The following API5 variants were observed in gnomAD, a reference collection of about 807,000 sequenced individuals.
API5 encodes the protein FIF.
In API5, 6 loss-of-function variants were observed where a neutral mutation model predicts 71.9. That is an observed-to-expected ratio of 0.08 (90% confidence interval 0.05 to 0.16). The LOEUF is 0.16. Ranked by LOEUF, API5 falls within the 10% of genes least tolerant of loss-of-function variation. API5 has a pLI of 1.00. For missense variants in API5, 332 were observed against 612.8 expected (o/e 0.54, Z 4.84); for synonymous variants, 189 against 221.3 (o/e 0.85, Z 1.30).
intron 5 of API5, among the ~76,000 whole-genome samples, chr11:43,323,200 C>T (rs535225943): frequency 1.3e-5 from 2 of 151,672 alleles, no homozygotes; most frequent in African/African-American, 4.8e-5. Context: ...GTGCTTTGTA[C>T]GTAAAAAAGT....
chr11:43,316,741 A>G (rs776636478), intron 1 of API5, among the ~76,000 whole-genome samples: 2 of 152,138 alleles, frequency 1.3e-5, no homozygotes, highest in Non-Finnish European at 2.9e-5. Flanking sequence ...CACAGCCTTT[A>G]TCGCCTGGGC....
chr11:43,336,193 A>G (rs1855427567), intron 13 of API5, 199 bp downstream of exon 13: 1 of 601,050 alleles, frequency 1.7e-6, no homozygotes, highest in Admixed American at 3.7e-5. Flanking sequence ...ACTGTATTGA[A>G]CATGCAACAT....
At chr11:43,329,008 C>T in intron 9 of API5, 115 bp downstream of exon 9, 1 of 1,049,320 alleles carries the variant, frequency 9.5e-7, no homozygotes, top group Non-Finnish European at 1.4e-6. Flanking sequence ...CCCAGTGATA[C>T]AGATTGGAGG....
At chr11:43,331,972 C>A (rs376042169) in intron 11 of API5, 1 of 152,020 alleles carries the variant, frequency 6.6e-6, no homozygotes, top group African/African-American at 2.4e-5. Context: ...TTATTTGAAC[C>A]GCTGATACAA....
At chr11:43,325,418 T>C (rs998107829) in intron 6 of API5, among the ~76,000 whole-genome samples, 3 of 152,194 alleles carry the variant, frequency 2.0e-5, no homozygotes, top group Non-Finnish European at 4.4e-5. Flanking sequence ...CAAGACAACG[T>C]CAAAGCCCAT....
At chr11:43,320,042 C>CTTTT (rs368783012) in intron 2 of API5, among the ~76,000 whole-genome samples, 78 of 120,126 alleles carry the variant, frequency 6.5e-4, no homozygotes, top group East Asian at 1.5e-3. Flanking sequence ...CAAATTCTCT[C>CTTTT]TTTTTTTTTT....
intron 13 of API5, among the ~76,000 whole-genome samples, chr11:43,341,600 A>G (rs1411353580): frequency 1.3e-5 from 2 of 152,144 alleles, no homozygotes; most frequent in African/African-American, 4.8e-5. Flanking sequence ...GGGGGAAGGA[A>G]GGGATAGGGA....
chr11:43,324,785 C>A (rs544160999), intron 6 of API5, among the ~76,000 whole-genome samples: 3 of 152,062 alleles, frequency 2.0e-5, no homozygotes, highest in Admixed American at 2.0e-4. Flanking sequence ...TCAAGCAATT[C>A]TCGTGCCTCA....
intron 6 of API5, among the ~76,000 whole-genome samples, chr11:43,324,168 C>G (rs564534855): frequency 1.3e-5 from 2 of 152,292 alleles, no homozygotes; most frequent in East Asian, 3.9e-4. Context: ...CAGTCATGCA[C>G]TATCACACTC....
intron 1 of API5, among the ~76,000 whole-genome samples, chr11:43,313,555 A>G (rs1450102344): frequency 4.0e-5 from 6 of 149,758 alleles, no homozygotes; most frequent in African/African-American, 1.5e-4. Context: ...TTCTTAACAT[A>G]ATTCAAATAG....
At chr11:43,334,336 C>G (rs761243853) in intron 11 of API5, among the ~76,000 whole-genome samples, 1 of 151,944 alleles carries the variant, frequency 6.6e-6, no homozygotes. Flanking sequence ...GAAGATTTGC[C>G]GTTTCCTCTT....
At position 43,323,654 on chromosome 11, in the gene API5, A is replaced by G. The variant is rs760454031; in HGVS notation, c.750+18A>G. 11 of 1,606,824 alleles carry G rather than the reference A, an allele frequency of 6.8e-6. No homozygotes were observed. In the East Asian group the frequency reaches 2.5e-4, roughly 36 times the overall value. ...TCTTCTCTGTGAGCTCTTTATTTTT[A>G]CACACCCGGTATTAGCTATATATAT... On this transcript the variant is annotated intron_variant, in intron 6 of 13. Coordinates refer to ENST00000531273, the MANE Select transcript of API5 (RefSeq NM_001142930.2).
chr11:43,334,608 T>C (rs1051930603), intron 11 of API5, among the ~76,000 whole-genome samples: 3 of 152,310 alleles, frequency 2.0e-5, no homozygotes, highest in Middle Eastern at 3.4e-3. Context: ...TAAATGTGTT[T>C]AGCAATTTAT....
rs924261132 is a variant in API5 at position 43,343,482 on chromosome 11, A to G, written c.*972A>G. 1 of 152,622 alleles carries G rather than the reference A, an allele frequency of 6.6e-6. No individual in the cohort carries two copies. The highest frequency in any genetic ancestry group is 2.4e-5 in the African/African-American group (1 of 41,452). The allele number at this position is 152,622 out of a possible 1,614,324, so 9.5% of individuals were successfully genotyped here. A position where few individuals can be genotyped will look rare whatever the true frequency, so the allele number is the denominator to read the frequency against. ...AATAACAACCAAAATACTGAATCTG[A>G]TGTACATACAGGTTTCTACAGGAAG... On this transcript the variant is annotated 3_prime_UTR_variant, in exon 14 of 14. Coordinates refer to ENST00000531273, the MANE Select transcript of API5 (RefSeq NM_001142930.2).
At position 43,312,018 on chromosome 11, in the gene API5, G is replaced by C. The variant is rs1854485296; in HGVS notation, c.-110G>C. 8.1e-7 allele frequency: 1 copy of C among 1,229,686 alleles called. No individual in the cohort carries two copies. Among genetic ancestry groups the C allele is most frequent in the South Asian group, 1.4e-5 (1 of 73,046 alleles). The allele number at this position is 1,229,686 out of a possible 1,614,324, so 76.2% of individuals were successfully genotyped here. A position where few individuals can be genotyped will look rare whatever the true frequency, so the allele number is the denominator to read the frequency against. ...GCGGTGACTGGCGGCTGCACTGGCG[G>C]CAGCTGGAGGTGTAATAGTGCGGGT... On this transcript the variant is annotated 5_prime_UTR_variant, in exon 1 of 14. Transcript: ENST00000531273.
chr11:43,342,345 A>C, intron 13 of API5, 83 bp from the exon 14 acceptor site: 1 of 1,162,790 alleles, frequency 8.6e-7, no homozygotes. Flanking sequence ...TGCTGTATTC[A>C]GAGTTATGAG....
chr11:43,321,070 A>G (rs953616882), intron 3 of API5, among the ~76,000 whole-genome samples, 156 bp downstream of exon 3: 3 of 152,146 alleles, frequency 2.0e-5, no homozygotes, highest in Admixed American at 6.5e-5. Context: ...TTAAAGTGTA[A>G]TGATTTCTGG....
intron 6 of API5, among the ~76,000 whole-genome samples, chr11:43,324,559 C>T (rs930056283): frequency 9.2e-5 from 14 of 152,156 alleles, no homozygotes; most frequent in Non-Finnish European, 2.9e-5. Context: ...TCAAGACCAG[C>T]CTGGGCAACA....
At position 43,342,552 on chromosome 11, in the gene API5, TAC is replaced by T; in HGVS notation, c.*43_*44del. On this transcript the variant is annotated 3_prime_UTR_variant, in exon 14 of 14. Coordinates refer to ENST00000531273, the MANE Select transcript of API5 (RefSeq NM_001142930.2). ...CTTCAGCATTGTCATGAGCTTAATA[TAC>T]TTAAATTCTACTACTCATTGGATTG... 1 of 1,593,522 alleles carries T rather than the reference TAC, an allele frequency of 6.3e-7. No homozygotes were observed.
Sources: allele counts gnomAD v4.1 joint callset (sites outside exome capture counted in the v4.1 genomes callset), GRCh38; gene constraint gnomAD v4.1.1; transcripts MANE v1.5; gene names NCBI Gene and HGNC (gene_info 2026-07-23, HGNC 2026-07-21).